ADCY8: variants seen among roughly 807,000 people sequenced by gnomAD.
ADCY8 encodes the protein adenylate cyclase 8.
A neutral mutation model predicts 119.7 loss-of-function variants in ADCY8; 51 were observed. That is an observed-to-expected ratio of 0.43 (90% CI 0.34 to 0.54). The LOEUF (loss-of-function observed/expected upper bound fraction) is 0.54. Among genes scored for constraint, ADCY8 ranks in the 20% least tolerant of loss-of-function variants. ADCY8 has a pLI of 0.03. For missense variants in ADCY8, 1,383 were observed against 1,598.8 expected, an observed-to-expected ratio of 0.87 and a Z score of 2.30; for synonymous variants, 665 against 651.0, an observed-to-expected ratio of 1.02 and a Z score of -0.33.
chr8:130,806,405 T>G (rs561703990), intron 14 of ADCY8, among the ~76,000 whole-genome samples: 14 of 152,300 alleles, frequency 9.2e-5, no homozygotes, highest in African/African-American at 2.4e-4. Context: ...TCCCTATTGC[T>G]TCAATTAGAG....
chr8:130,928,497 T>C (rs949632248), intron 5 of ADCY8, among the ~76,000 whole-genome samples: 1 of 152,228 alleles, frequency 6.6e-6, no homozygotes, highest in Non-Finnish European at 1.5e-5. Context: ...GTTGGATTTT[T>C]TCAAATGCTT....
At chr8:130,833,366 T>G (rs1323425710) in intron 12 of ADCY8, among the ~76,000 whole-genome samples, 1 of 152,194 alleles carries the variant, frequency 6.6e-6, no homozygotes. Flanking sequence ...TTGATATACA[T>G]GTAAATTAGA....
chr8:130,899,622 G>A (rs1276245727), intron 7 of ADCY8, among the ~76,000 whole-genome samples: 3 of 151,460 alleles, frequency 2.0e-5, no homozygotes, highest in Non-Finnish European at 4.4e-5. Context: ...AAAAAAAAAG[G>A]AGAAAAGAAA....
At chr8:130,805,350 A>G (rs1252510614) in intron 14 of ADCY8, among the ~76,000 whole-genome samples, 2 of 152,234 alleles carry the variant, frequency 1.3e-5, no homozygotes, top group African/African-American at 2.4e-5. Flanking sequence ...AATAATAACT[A>G]TAATTATAGC....
intron 1 of ADCY8, among the ~76,000 whole-genome samples, chr8:131,008,551 C>A (rs1446831615): frequency 6.6e-6 from 1 of 152,100 alleles, no homozygotes; most frequent in Non-Finnish European, 1.5e-5. Context: ...GTCAATTAAG[C>A]CTCTTTTCTT....
At chr8:130,979,178 G>A (rs1483706107) in intron 2 of ADCY8, among the ~76,000 whole-genome samples, 3 of 152,162 alleles carry the variant, frequency 2.0e-5, no homozygotes, top group Non-Finnish European at 4.4e-5. Context: ...AAGGGCAAAG[G>A]GAGCTCCCTG....
At chr8:130,846,833 C>T (rs1233790594) in intron 11 of ADCY8, among the ~76,000 whole-genome samples, 1 of 68,648 alleles carries the variant, frequency 1.5e-5, no homozygotes, top group Non-Finnish European at 2.7e-5. Context: ...TTCCTTCCCT[C>T]CCCTCCCCTT....
intron 1 of ADCY8, among the ~76,000 whole-genome samples, chr8:131,011,297 G>C (rs1823295227): frequency 6.6e-6 from 1 of 152,178 alleles, no homozygotes; most frequent in Non-Finnish European, 1.5e-5. Flanking sequence ...TGGAAATAAA[G>C]TCTATAAATA....
Position 130,849,454 on chromosome 8 carries a change from T to C in ADCY8, c.2412+148A>G, listed in dbSNP as rs535191484. The stretch of plus-strand genomic sequence containing the variant: ...ACAGTTTTGGCAGTAGCCACATCTT[T>C]GTTATCTGTCCCTAAGCTTGGGGCT... On this transcript the variant is annotated intron_variant, in intron 10 of 17. Transcript: ENST00000286355. 18 of 781,250 alleles carry C rather than the reference T, an allele frequency of 2.3e-5. No homozygotes were observed. The South Asian group carries it at 2.9e-4, about 13-fold the overall frequency. 48.4% of individuals were successfully genotyped at this position (781,250 alleles called of 1,614,324 possible).
intron 11 of ADCY8, among the ~76,000 whole-genome samples, chr8:130,840,583 A>G (rs768810589): frequency 3.5e-4 from 54 of 152,258 alleles, no homozygotes; most frequent in South Asian, 1.7e-3. Flanking sequence ...TTATATATAT[A>G]CTATGATTAC....
intron 1 of ADCY8, among the ~76,000 whole-genome samples, chr8:131,036,133 A>G (rs923166249): frequency 8.5e-5 from 13 of 152,178 alleles, no homozygotes; most frequent in Middle Eastern, 3.2e-3. Flanking sequence ...TCTGTCCTCC[A>G]CTTGCCAGGT....
intron 7 of ADCY8, among the ~76,000 whole-genome samples, chr8:130,891,844 C>A (rs11782328): frequency 0.32 from 48,113 of 151,970 alleles, 8,891 homozygotes; most frequent in East Asian, 0.55. Context: ...GTGAATAGGA[C>A]CATTTCCCAT....
chr8:130,925,369 T>A (rs1820432303), intron 5 of ADCY8, among the ~76,000 whole-genome samples: 1 of 152,228 alleles, frequency 6.6e-6, no homozygotes, highest in Non-Finnish European at 1.5e-5. Flanking sequence ...CAATATTCTA[T>A]TAAAAATATT....
chr8:130,927,688 C>G (rs1159595006), intron 5 of ADCY8, among the ~76,000 whole-genome samples: 1 of 150,034 alleles, frequency 6.7e-6, no homozygotes, highest in Admixed American at 6.6e-5. Flanking sequence ...TAATTCTAAC[C>G]ATTTTTTTTT....
chr8:130,886,813 C>T (rs2130470138), intron 7 of ADCY8, among the ~76,000 whole-genome samples: 1 of 152,216 alleles, frequency 6.6e-6, no homozygotes. Context: ...TGAGCTTATC[C>T]ACTCTACCAG....
intron 5 of ADCY8, among the ~76,000 whole-genome samples, chr8:130,916,410 A>G (rs766915257): frequency 4.4e-4 from 67 of 152,164 alleles, no homozygotes; most frequent in Non-Finnish European, 8.5e-4. Flanking sequence ...ACCCTGATCC[A>G]TTCTATTGCC....
At chr8:130,924,132 A>G (rs1396999965) in intron 5 of ADCY8, among the ~76,000 whole-genome samples, 2 of 152,202 alleles carry the variant, frequency 1.3e-5, no homozygotes, top group African/African-American at 2.4e-5. Flanking sequence ...TTGAAGTCAG[A>G]TGATTCCAGA....
intron 9 of ADCY8, among the ~76,000 whole-genome samples, chr8:130,860,695 A>T (rs1700190517): frequency 6.6e-6 from 1 of 152,158 alleles, no homozygotes; most frequent in Non-Finnish European, 1.5e-5. Flanking sequence ...ACATAGGTAT[A>T]CATCTGCCAT....
chr8:130,839,287 G>A (rs1817073528), intron 11 of ADCY8, among the ~76,000 whole-genome samples: 1 of 139,966 alleles, frequency 7.1e-6, no homozygotes, highest in African/African-American at 2.4e-5. Context: ...AATCAATTGT[G>A]GCAGCATGCT....
Sources: allele counts gnomAD v4.1 joint callset (sites outside exome capture counted in the v4.1 genomes callset), GRCh38; gene constraint gnomAD v4.1.1; transcripts MANE v1.5; gene names NCBI Gene and HGNC (gene_info 2026-07-23, HGNC 2026-07-21).